DPP8: variants seen among roughly 807,000 people sequenced by gnomAD.
The protein encoded by DPP8 is dipeptidyl peptidase 8.
In DPP8, 31 loss-of-function variants were observed where a neutral mutation model predicts 107.5. The ratio of observed to expected loss-of-function variants is 0.29; its 90% confidence interval spans 0.22 to 0.39. DPP8 has a LOEUF of 0.39. Ranked by LOEUF, DPP8 falls within the 10% of genes least tolerant of loss-of-function variation. DPP8 has a pLI of 1.00. For missense variants in DPP8, 842 were observed against 1,076.1 expected (o/e 0.78, Z 3.04); for synonymous variants, 381 against 356.6 (o/e 1.07, Z -0.77).
At chr15:65,479,087 C>A in intron 10 of DPP8, 48 bp from the exon 11 acceptor site, 1 of 1,319,282 alleles carries the variant, frequency 7.6e-7, no homozygotes, top group Non-Finnish European at 1.0e-6. Context: ...GAAAATACTA[C>A]ATAATTCAAT....
chr15:65,443,234 G>A lies in DPP8; in HGVS notation c.*3650C>T, dbSNP rs2063361057. On this transcript the variant is annotated 3_prime_UTR_variant, in exon 20 of 20. Transcript: ENST00000300141. ...CTATATATCATTTAACTACCATGAG[G>A]CAGGACACCTGGCTGGAGTCCAGCA... 1 of 151,890 alleles carries A rather than the reference G, an allele frequency of 6.6e-6. No individual in the cohort carries two copies. Among genetic ancestry groups the A allele is most frequent in the South Asian group, 2.1e-4 (1 of 4,798 alleles). The allele number at this position is 151,890 out of a possible 1,614,324, so 9.4% of individuals were successfully genotyped here.
At chr15:65,514,673 G>A (rs1232075208) in intron 1 of DPP8, among the ~76,000 whole-genome samples, 2 of 152,146 alleles carry the variant, frequency 1.3e-5, no homozygotes, top group Non-Finnish European at 2.9e-5. Flanking sequence ...ATCGTGCCCA[G>A]TTAATTTTTG....
intron 1 of DPP8, among the ~76,000 whole-genome samples, chr15:65,515,260 T>G (rs1052755426): frequency 4.6e-5 from 7 of 152,232 alleles, no homozygotes; most frequent in Non-Finnish European, 7.3e-5. Flanking sequence ...ACGTCACATC[T>G]TTCTTATGCA....
intron 11 of DPP8, among the ~76,000 whole-genome samples, chr15:65,477,986 GAA>G (rs1277058725): frequency 6.6e-6 from 1 of 152,094 alleles, no homozygotes; most frequent in South Asian, 2.1e-4. Context: ...GAAAACCCAG[GAA>G]AAGTGTTCTA....
At chr15:65,463,122 A>G (rs951136783) in intron 15 of DPP8, among the ~76,000 whole-genome samples, 26 of 152,224 alleles carry the variant, frequency 1.7e-4, no homozygotes, top group African/African-American at 5.8e-4. Context: ...TTGATTTACC[A>G]AGACATTTAA....
In DPP8 at chr15:65,480,381, T is replaced by C. The variant is rs1368480082; in HGVS notation, c.1137A>G (p.Leu379=). 1 of 1,612,140 alleles carries C rather than the reference T, an allele frequency of 6.2e-7. No individual in the cohort carries two copies. Among genetic ancestry groups the C allele is most frequent in the Non-Finnish European group, 8.5e-7 (1 of 1,179,276 alleles). Reference sequence around the variant, plus strand: ...TCTGTAGGCGAGTCTGGGAGCGATCTAGTAGGATGGACCAAGCACTATTTA... The same window carrying C: ...TCTGTAGGCGAGTCTGGGAGCGATCCAGTAGGATGGACCAAGCACTATTTA... ...PEGKYAWSIL[L]DRSQTRLQIV... The change falls in exon 10 of 20, where the codon CTA becomes CTG. Residue 379 remains leucine, a synonymous_variant. Transcript: ENST00000300141.
At chr15:65,507,550 A>C (rs968442714) in intron 2 of DPP8, among the ~76,000 whole-genome samples, 195 bp from the exon 3 acceptor site, 1 of 151,848 alleles carries the variant, frequency 6.6e-6, no homozygotes, top group Non-Finnish European at 1.5e-5. Flanking sequence ...CTAGCCTGGC[A>C]CAGTACACAT....
intron 4 of DPP8, 63 bp downstream of exon 4, chr15:65,500,543 G>T: frequency 2.2e-6 from 3 of 1,337,966 alleles, no homozygotes; most frequent in South Asian, 1.3e-5. Context: ...TTACCTTTCT[G>T]CTTTGGGTAC....
intron 3 of DPP8, among the ~76,000 whole-genome samples, chr15:65,505,122 G>A (rs932926544): frequency 2.6e-5 from 4 of 152,122 alleles, no homozygotes; most frequent in Admixed American, 6.6e-5. Flanking sequence ...TTGGGAGGCC[G>A]AGGCAGGCGG....
intron 12 of DPP8, among the ~76,000 whole-genome samples, chr15:65,471,677 G>A (rs976981649): frequency 6.6e-6 from 1 of 151,888 alleles, no homozygotes; most frequent in Non-Finnish European, 1.5e-5. Context: ...TTGCAGAGAC[G>A]GAGTCTCACT....
intron 5 of DPP8, among the ~76,000 whole-genome samples, chr15:65,494,026 G>T: frequency 6.6e-6 from 1 of 150,932 alleles, no homozygotes; most frequent in African/African-American, 2.5e-5. Flanking sequence ...ACAACCCTAT[G>T]TTGATGTGCT....
rs767018635 is a variant in DPP8, at chr15:65,515,675, C to T, written c.-12+1811G>A. 26 of 1,613,876 alleles carry T rather than the reference C, an allele frequency of 1.6e-5. No homozygotes were observed. The Admixed American group carries it at 4.3e-4, about 27-fold the overall frequency. Reference sequence around the variant, plus strand: ...GCCTACCTGATTTTATTTTCATCTGCTCAGATCTCTTCCACATTCAAAGAG... The same window carrying T: ...GCCTACCTGATTTTATTTTCATCTGTTCAGATCTCTTCCACATTCAAAGAG... On this transcript the variant is annotated intron_variant, in intron 1 of 19. Transcript: ENST00000300141.
chr15:65,485,166 G>A lies in DPP8; in HGVS notation c.956-6C>T. On this transcript the variant is annotated splice_region_variant and splice_polypyrimidine_tract_variant and intron_variant, in intron 7 of 19. Transcript: ENST00000300141. Reference sequence around the variant, plus strand: ...GACTTTAGGATTTGCTGTACCTTTAGAAAGAGACATAAATGATAGTAATGT... The same window carrying A: ...GACTTTAGGATTTGCTGTACCTTTAAAAAGAGACATAAATGATAGTAATGT... 1.9e-6 allele frequency: 3 copies of A among 1,585,512 alleles called. No homozygotes were observed. Among genetic ancestry groups the A allele is most frequent in the Non-Finnish European group, 2.6e-6 (3 of 1,154,244 alleles).
intron 19 of DPP8, among the ~76,000 whole-genome samples, chr15:65,450,270 T>TA (rs1400956441): frequency 6.6e-6 from 1 of 152,156 alleles, no homozygotes; most frequent in African/African-American, 2.4e-5. Flanking sequence ...GCCGGGCTGA[T>TA]AGTTTATTAT....
chr15:65,448,507 C>CT (rs142779899), intron 19 of DPP8, among the ~76,000 whole-genome samples: 41,636 of 150,430 alleles, frequency 0.28, 7,041 homozygotes, highest in East Asian at 0.73. Context: ...CCCGTCTGTA[C>CT]TAAAAATACA....
intron 6 of DPP8, among the ~76,000 whole-genome samples, chr15:65,488,623 A>C (rs1158696976): frequency 6.6e-6 from 1 of 151,162 alleles, no homozygotes; most frequent in Non-Finnish European, 1.5e-5. Context: ...AAAAAAAAAA[A>C]AAAAACCCAA....
chr15:65,451,249 TAA>T lies in DPP8; in HGVS notation c.2415-141_2415-140del. ...AATAAGAATTCAGTATTTTCAATATTAAATTTGTAACATATTAACCAGATGCC... is the reference window on the plus strand; with the variant it reads ...AATAAGAATTCAGTATTTTCAATATTATTTGTAACATATTAACCAGATGCC... On this transcript the variant is annotated intron_variant, in intron 18 of 19. Coordinates refer to ENST00000300141, the MANE Select transcript of DPP8 (RefSeq NM_130434.5). 3 of 604,622 alleles carry T rather than the reference TAA, an allele frequency of 5.0e-6. No homozygotes were observed. The South Asian group carries it at 6.1e-5, about 12-fold the overall frequency. 37.5% of individuals were successfully genotyped at this position (604,622 alleles called of 1,614,324 possible). A position where few individuals can be genotyped will look rare whatever the true frequency, so the allele number is the denominator to read the frequency against.
chr15:65,463,700 CAA>C, intron 15 of DPP8, 59 bp downstream of exon 15: 1 of 1,444,672 alleles, frequency 6.9e-7, no homozygotes, highest in Non-Finnish European at 9.5e-7. Context: ...ATTTAAAAAA[CAA>C]AAGATCTAAA....
At position 65,500,593 on chromosome 15, in the gene DPP8, A is replaced by G. The variant is rs746829424; in HGVS notation, c.546+13T>C. 1.2e-6 allele frequency: 2 copies of G among 1,611,850 alleles called. No homozygotes were observed. Among genetic ancestry groups the G allele is most frequent in the Non-Finnish European group, 1.7e-6 (2 of 1,178,176 alleles). ...ACCCAAACCAGATTTAATCACTAGCAACTCCAACTTACCGTAAATCCTTGT... is the reference window on the plus strand; with the variant it reads ...ACCCAAACCAGATTTAATCACTAGCGACTCCAACTTACCGTAAATCCTTGT... On this transcript the variant is annotated intron_variant, in intron 4 of 19. Coordinates refer to ENST00000300141, the MANE Select transcript of DPP8 (RefSeq NM_130434.5).
Sources: allele counts gnomAD v4.1 joint callset (sites outside exome capture counted in the v4.1 genomes callset), GRCh38; gene constraint gnomAD v4.1.1; transcripts MANE v1.5; gene names NCBI Gene and HGNC (gene_info 2026-07-23, HGNC 2026-07-21).